Variants in C8orf34 observed in about 807,000 individuals in gnomAD.
C8orf34 encodes the protein uncharacterized protein C8orf34.
In C8orf34, 65 loss-of-function variants were observed where a neutral mutation model predicts 68.3. The observed-to-expected ratio is 0.95, with a 90% CI of 0.78 to 1.17. C8orf34 has a LOEUF of 1.17. C8orf34 is among the 50% of genes most tolerant of loss of function. C8orf34 has a pLI of 0.00. For missense variants in C8orf34, 664 were observed against 655.4 expected, an observed-to-expected ratio of 1.01 and a Z score of -0.14; for synonymous variants, 244 against 241.2, an observed-to-expected ratio of 1.01 and a Z score of -0.11.
At chr8:68,361,339 T>A (rs894614493) in intron 1 of C8orf34, among the ~76,000 whole-genome samples, 30 of 152,086 alleles carry the variant, frequency 2.0e-4, no homozygotes, top group African/African-American at 6.5e-4. Context: ...CATGGACCAG[T>A]CTTTAGAGGC....
chr8:68,427,604 A>G (rs1025453761), intron 1 of C8orf34, among the ~76,000 whole-genome samples: 5 of 152,060 alleles, frequency 3.3e-5, no homozygotes, highest in Non-Finnish European at 4.4e-5. Flanking sequence ...ATGATAGTAC[A>G]ATTAATCATC....
intron 1 of C8orf34, among the ~76,000 whole-genome samples, chr8:68,409,682 G>T (rs1563414292): frequency 6.6e-6 from 1 of 152,074 alleles, no homozygotes; most frequent in African/African-American, 2.4e-5. Flanking sequence ...TAGCCTAAAT[G>T]TACAGTGTTG....
intron 3 of C8orf34, among the ~76,000 whole-genome samples, chr8:68,464,771 C>G (rs1313639698): frequency 6.6e-6 from 1 of 151,706 alleles, no homozygotes; most frequent in East Asian, 1.9e-4. Flanking sequence ...AACTGGATCC[C>G]TTCCTTACAC....
At chr8:68,726,161 G>A (rs1255431745) in intron 10 of C8orf34, among the ~76,000 whole-genome samples, 2 of 152,068 alleles carry the variant, frequency 1.3e-5, no homozygotes, top group Non-Finnish European at 2.9e-5. Flanking sequence ...CGCCCGCCTC[G>A]GCCTCCCAAA....
At chr8:68,670,406 C>G (rs1476367556) in intron 8 of C8orf34, among the ~76,000 whole-genome samples, 2 of 152,030 alleles carry the variant, frequency 1.3e-5, no homozygotes, top group Non-Finnish European at 1.5e-5. Context: ...GTTTAACAAC[C>G]AGAGAAGATA....
At chr8:68,723,285 A>C (rs886630937) in intron 10 of C8orf34, among the ~76,000 whole-genome samples, 1 of 152,138 alleles carries the variant, frequency 6.6e-6, no homozygotes. Flanking sequence ...AGCTACGAGC[A>C]TGTCCCAAAT....
chr8:68,502,226 C>T (rs368980955), intron 5 of C8orf34, among the ~76,000 whole-genome samples: 35 of 152,204 alleles, frequency 2.3e-4, no homozygotes, highest in African/African-American at 7.2e-4. Context: ...CCACCATGCC[C>T]GGCTAATTTT....
rs79681606 is a variant in C8orf34 at position 68,394,087 on chromosome 8, A to T, written c.328-45412A>T. ...GCAAAATTGAGTGGGTAGGCATGCC[A>T]TTTTTTTTTTATTATTATACTTTAA... is the stretch of plus-strand genomic sequence containing the variant. On this transcript the variant is annotated intron_variant, in intron 1 of 13. Coordinates refer to ENST00000518698, the MANE Select transcript of C8orf34 (RefSeq NM_052958.4). Among the ~76,000 whole-genome samples, 825 of 150,698 alleles carry T rather than the reference A, an allele frequency of 5.5e-3. 6 individuals are homozygous for T. Among genetic ancestry groups the T allele is most frequent in the African/African-American group, 0.018 (730 of 41,078 alleles).
At chr8:68,533,310 T>G in intron 7 of C8orf34, 161 bp downstream of exon 7, 1 of 1,378,018 alleles carries the variant, frequency 7.3e-7, no homozygotes, top group African/African-American at 1.5e-5. Context: ...AAGTTGCATG[T>G]AAGAACTAAA....
intron 7 of C8orf34, among the ~76,000 whole-genome samples, chr8:68,580,643 GTA>G (rs1054156665): frequency 6.6e-6 from 1 of 152,110 alleles, no homozygotes; most frequent in Non-Finnish European, 1.5e-5. Flanking sequence ...CTGTCTACAA[GTA>G]TAATCAATGC....
chr8:68,476,130 T>C (rs1205835547), intron 4 of C8orf34, among the ~76,000 whole-genome samples: 2 of 152,228 alleles, frequency 1.3e-5, no homozygotes, highest in African/African-American at 2.4e-5. Flanking sequence ...ATGGATAATG[T>C]GGCAATTACT....
chr8:68,605,394 C>A (rs902260955), intron 7 of C8orf34, among the ~76,000 whole-genome samples: 6 of 152,130 alleles, frequency 3.9e-5, no homozygotes, highest in African/African-American at 1.4e-4. Context: ...TATGTCTACA[C>A]AAAAACCTGC....
intron 8 of C8orf34, among the ~76,000 whole-genome samples, chr8:68,664,418 A>C (rs1355711738): frequency 6.6e-6 from 1 of 152,216 alleles, no homozygotes; most frequent in Non-Finnish European, 1.5e-5. Context: ...CTGCCATGAG[A>C]TGATGCAAAA....
intron 10 of C8orf34, among the ~76,000 whole-genome samples, chr8:68,745,390 C>G (rs1211069951): frequency 6.6e-6 from 1 of 151,788 alleles, no homozygotes; most frequent in Non-Finnish European, 1.5e-5. Flanking sequence ...AATAATATTA[C>G]CTTTAAATGT....
intron 3 of C8orf34, among the ~76,000 whole-genome samples, chr8:68,457,555 T>G (rs1811605567): frequency 6.6e-6 from 1 of 152,160 alleles, no homozygotes; most frequent in Non-Finnish European, 1.5e-5. Context: ...AACAGTAAAT[T>G]TATTTTAAAC....
At chr8:68,536,321 T>C (rs1339132943) in intron 7 of C8orf34, among the ~76,000 whole-genome samples, 1 of 130,580 alleles carries the variant, frequency 7.7e-6, no homozygotes, top group African/African-American at 3.0e-5. Context: ...GTCATGCCAC[T>C]GTAGTCCAGC....
chr8:68,418,966 C>A (rs553306636), intron 1 of C8orf34, among the ~76,000 whole-genome samples: 281 of 148,384 alleles, frequency 1.9e-3, no homozygotes, highest in African/African-American at 4.9e-3. Flanking sequence ...GCAACAAAAG[C>A]CAAAATTGAC....
intron 8 of C8orf34, among the ~76,000 whole-genome samples, chr8:68,696,874 C>T (rs901609917): frequency 6.6e-6 from 1 of 151,980 alleles, no homozygotes; most frequent in African/African-American, 2.4e-5. Context: ...AATTAACGAC[C>T]TCACTGCTAT....
intron 8 of C8orf34, among the ~76,000 whole-genome samples, chr8:68,657,134 T>C (rs558517761): frequency 2.4e-4 from 37 of 152,308 alleles, no homozygotes; most frequent in Admixed American, 2.3e-3. Context: ...TACCTCATTC[T>C]GCCTGGAAGG....
Sources: gnomAD v4.1 joint callset for allele counts (sites outside exome capture counted in the v4.1 genomes callset) on GRCh38, gnomAD v4.1.1 for gene constraint, MANE v1.5 for transcripts, NCBI Gene and HGNC (gene_info 2026-07-23, HGNC 2026-07-21) for gene names.